GLDC: variants seen among roughly 807,000 people sequenced by gnomAD.
The protein encoded by GLDC is glycine dehydrogenase (decarboxylating), mitochondrial.
GLDC carries 104 observed loss-of-function variants against 121.3 expected under a neutral mutation model. The ratio of observed to expected loss-of-function variants is 0.86; its 90% CI spans 0.73 to 1.01. GLDC has a LOEUF of 1.01. Ranked by LOEUF, GLDC falls within the 50% of genes least tolerant of loss-of-function variation. The pLI, the probability that GLDC is intolerant of heterozygous loss-of-function variation, is 0.00. For missense variants in GLDC, 1,429 were observed against 1,306.6 expected (o/e 1.09, Z -1.44); for synonymous variants, 546 against 480.6 (o/e 1.14, Z -1.78).
chr9:6,544,638 C>CA lies in GLDC; in HGVS notation c.2570-4493dup, dbSNP rs5896155. ...TGGGTGACAGAGCAAGACTCTGTCT[C>CA]AAAAAAAAAAAAAAAAAAAATGGAT... is the stretch of plus-strand genomic sequence containing the variant. On this transcript the variant is annotated intron_variant, in intron 21 of 24. Transcript: ENST00000321612. Among the ~76,000 whole-genome samples, 713 of 105,628 alleles carry CA rather than the reference C, an allele frequency of 6.8e-3. 11 individuals carry two copies. The highest frequency in any genetic ancestry group is 9.4e-3 in the Non-Finnish European group (511 of 54,484). The allele number at this position is 105,628 out of a possible 152,430, so 69.3% of individuals were successfully genotyped here.
intron 15 of GLDC, among the ~76,000 whole-genome samples, chr9:6,586,635 T>A (rs1423813747): frequency 6.6e-6 from 1 of 152,184 alleles, no homozygotes; most frequent in Non-Finnish European, 1.5e-5. Context: ...ACAGGTGTAG[T>A]AAGCTAGCTT....
In GLDC at chr9:6,622,718, A is replaced by T. The variant is rs943101792; in HGVS notation, c.335-2399T>A. 2.9e-4 allele frequency: 56 copies of T among 191,068 alleles called. 1 individual carries two copies. Among genetic ancestry groups the T allele is most frequent in the Middle Eastern group, 2.3e-3 (1 of 430 alleles). The allele number at this position is 191,068 out of a possible 1,614,324, so 11.8% of individuals were successfully genotyped here. On this transcript the variant is annotated intron_variant, in intron 2 of 24. Transcript: ENST00000321612. ...CTGGCCGCCCATGGTCTGGGATGTG[A>T]GGAGCCCCTCTGCCTGGCTGCCCAG...
At chr9:6,559,473 C>A (rs189515846) in intron 16 of GLDC, among the ~76,000 whole-genome samples, 23 of 144,796 alleles carry the variant, frequency 1.6e-4, no homozygotes, top group African/African-American at 5.7e-4. Context: ...CGAGATTGCG[C>A]TATTGCACTC....
intron 15 of GLDC, among the ~76,000 whole-genome samples, chr9:6,569,571 G>A (rs1035876494): frequency 6.6e-6 from 1 of 151,950 alleles, no homozygotes. Context: ...AGAATTGCTT[G>A]AACCCGGGAG....
intron 2 of GLDC, 144 bp downstream of exon 2, chr9:6,644,470 C>A: frequency 1.4e-6 from 1 of 694,316 alleles, no homozygotes. Context: ...CCCGCGGCTC[C>A]GGAGGTACCC....
chr9:6,618,832 C>T (rs1198478158), intron 3 of GLDC, among the ~76,000 whole-genome samples: 1 of 152,064 alleles, frequency 6.6e-6, no homozygotes, highest in Non-Finnish European at 1.5e-5. Flanking sequence ...GATGAACACA[C>T]ACACACACCC....
intron 16 of GLDC, among the ~76,000 whole-genome samples, chr9:6,561,374 C>T (rs1473361834): frequency 1.3e-5 from 2 of 152,114 alleles, no homozygotes; most frequent in Non-Finnish European, 2.9e-5. Context: ...GTTGGCCGGG[C>T]GAGGTTGCTC....
chr9:6,533,226 G>A (rs1258573258), intron 24 of GLDC, 66 bp from the exon 25 acceptor site: 1 of 1,375,954 alleles, frequency 7.3e-7, no homozygotes, highest in African/African-American at 1.4e-5. Flanking sequence ...GGCAAAGGAG[G>A]TGGCAATGCT....
At chr9:6,613,692 A>G (rs1000291882) in intron 3 of GLDC, among the ~76,000 whole-genome samples, 4 of 152,248 alleles carry the variant, frequency 2.6e-5, no homozygotes, top group Admixed American at 1.3e-4. Flanking sequence ...TATTAGAAAT[A>G]GCATAATAGT....
chr9:6,567,961 C>T (rs1038029780), intron 15 of GLDC, among the ~76,000 whole-genome samples: 6 of 152,192 alleles, frequency 3.9e-5, no homozygotes, highest in Non-Finnish European at 8.8e-5. Context: ...TGAATTCCTC[C>T]AGCACAGGCA....
In GLDC at chr9:6,628,866, G is replaced by A. The variant is rs554646481; in HGVS notation, c.335-8547C>T. ...ATGAAGGAATTCAGGCAATCCTTCA[G>A]GAACCTACACAGTAAATTCTTTTCT... On this transcript the variant is annotated intron_variant, in intron 2 of 24. Coordinates refer to ENST00000321612, the MANE Select transcript of GLDC (RefSeq NM_000170.3). 3.9e-5 allele frequency among the ~76,000 whole-genome samples: 6 copies of A among 152,298 alleles called. No homozygotes were observed. The East Asian group carries it at 7.7e-4, about 20-fold the overall frequency.
intron 2 of GLDC, among the ~76,000 whole-genome samples, chr9:6,633,914 G>C (rs934891566): frequency 7.3e-6 from 1 of 137,644 alleles, no homozygotes; most frequent in Non-Finnish European, 1.5e-5. Flanking sequence ...ACTGCAAGCT[G>C]TGCCTCCCGG....
intron 17 of GLDC, chr9:6,558,032 G>A (rs1052870964): frequency 1.3e-4 from 27 of 213,384 alleles, no homozygotes; most frequent in East Asian, 1.2e-3. Context: ...TTTCCTTCCC[G>A]CTTAAGATGC....
At chr9:6,617,490 A>G (rs1587970525) in intron 3 of GLDC, among the ~76,000 whole-genome samples, 1 of 152,210 alleles carries the variant, frequency 6.6e-6, no homozygotes, top group Admixed American at 6.5e-5. Flanking sequence ...GAAGAGAAAC[A>G]GGCCATTTTC....
chr9:6,616,323 T>C (rs1161810510), intron 3 of GLDC, among the ~76,000 whole-genome samples: 1 of 152,242 alleles, frequency 6.6e-6, no homozygotes, highest in Non-Finnish European at 1.5e-5. Flanking sequence ...AATCCTTTCA[T>C]AAGTCCAAGG....
intron 15 of GLDC, among the ~76,000 whole-genome samples, chr9:6,571,818 T>C (rs1422541994): frequency 6.6e-6 from 1 of 152,218 alleles, no homozygotes; most frequent in Non-Finnish European, 1.5e-5. Flanking sequence ...CTATCATATA[T>C]AGCTACAATA....
chr9:6,614,279 G>C (rs1425758987), intron 3 of GLDC, among the ~76,000 whole-genome samples: 1 of 152,098 alleles, frequency 6.6e-6, no homozygotes, highest in East Asian at 1.9e-4. Context: ...CTGTCACACA[G>C]ACTGGAGTGC....
chr9:6,637,935 C>T (rs11788879), intron 2 of GLDC, among the ~76,000 whole-genome samples: 36,083 of 151,474 alleles, frequency 0.24, 4,438 homozygotes, highest in South Asian at 0.34. Flanking sequence ...GCAATCCACC[C>T]ACCTTAACCT....
intron 18 of GLDC, chr9:6,554,990 T>C (rs1247352380): frequency 3.2e-6 from 2 of 623,078 alleles, no homozygotes; most frequent in African/African-American, 1.8e-5. Context: ...GTGGTTGCTA[T>C]GGAAATAGCA....
Sources: gnomAD v4.1 joint callset for allele counts (sites outside exome capture counted in the v4.1 genomes callset) on GRCh38, gnomAD v4.1.1 for gene constraint, MANE v1.5 for transcripts, NCBI Gene and HGNC (gene_info 2026-07-23, HGNC 2026-07-21) for gene names.